Variants in ACACA observed in about 807,000 individuals in gnomAD.
ACACA encodes acetyl-CoA carboxylase alpha.
Under a neutral mutation model 296.1 loss-of-function variants are expected in ACACA, and 103 were observed. The observed-to-expected ratio is 0.35, with a 90% CI of 0.30 to 0.41. The LOEUF is 0.41. Ranked by LOEUF, ACACA falls within the 10% of genes least tolerant of loss-of-function variation. The pLI, the probability that ACACA is intolerant of heterozygous loss-of-function variation, is 1.00. For missense variants in ACACA, 1,554 were observed against 2,989.7 expected (o/e 0.52, Z 11.20); for synonymous variants, 953 against 1,038.6 (o/e 0.92, Z 1.58).
At chr17:37,286,526 C>A (rs976652635) in intron 3 of ACACA, among the ~76,000 whole-genome samples, 5 of 152,176 alleles carry the variant, frequency 3.3e-5, no homozygotes, top group Admixed American at 6.5e-5. Context: ...GTTCTGTTCA[C>A]CAAACCGGAA....
At chr17:37,285,173 A>T in intron 3 of ACACA, among the ~76,000 whole-genome samples, 1 of 152,232 alleles carries the variant, frequency 6.6e-6, no homozygotes, top group East Asian at 1.9e-4. Flanking sequence ...TCTGAATAAT[A>T]AAAGATAATA....
At chr17:37,336,849 C>T (rs917941282) in intron 2 of ACACA, among the ~76,000 whole-genome samples, 3 of 152,030 alleles carry the variant, frequency 2.0e-5, no homozygotes, top group Non-Finnish European at 2.9e-5. Flanking sequence ...GATGAGAAAC[C>T]GTCAATACTT....
chr17:37,182,352 C>CATAT lies in ACACA; in HGVS notation c.4777-1000_4777-997dup, dbSNP rs113554103. ...ATATTAAATTATGTATATTAAAAAA[C>CATAT]ATATATATATATATACATGTATTTA... On this transcript the variant is annotated intron_variant, in intron 39 of 55. Transcript: ENST00000616317. Among the ~76,000 whole-genome samples, 845 of 149,456 alleles carry CATAT rather than the reference C, an allele frequency of 5.7e-3. 3 individuals are homozygous for CATAT. The highest frequency in any genetic ancestry group is 0.02 in the African/African-American group (803 of 40,872).
rs1190752973 is a variant in ACACA at position 37,192,227 on chromosome 17, C to A, written c.4279G>T (p.Asp1427Tyr). Residue 1427 changes from aspartate to tyrosine, a missense_variant, in exon 37 of 56, where the codon GAC (aspartate) becomes TAC (tyrosine). Asp to Tyr is a radical substitution (Grantham distance 160). Around this residue, in one of 16 missense-constraint regions of ACACA, gnomAD observed 179 missense variants for 283.2 expected, o/e 0.63. Coordinates refer to ENST00000616317, the MANE Select transcript of ACACA (RefSeq NM_198834.3). ...TTAGCACATGGAATGGCAGTGAGGT[C>A]AAAATTTCTCATCCGGTTCAGCTCT... is the stretch of plus-strand genomic sequence containing the variant. ...QLELNRMRNFDLTAIPCANHK... is the reference protein window; with the variant it reads ...QLELNRMRNFYLTAIPCANHK... 6.2e-6 allele frequency: 10 copies of A among 1,614,006 alleles called. No homozygotes were observed. Among genetic ancestry groups the A allele is most frequent in the Non-Finnish European group, 8.5e-6 (10 of 1,180,006 alleles).
intron 13 of ACACA, 132 bp downstream of exon 13, chr17:37,258,080 T>A (rs1242730867): frequency 5.7e-6 from 7 of 1,237,580 alleles, no homozygotes; most frequent in Non-Finnish European, 8.0e-6. Context: ...CATTTACTTA[T>A]CTGCTCTGAG....
At chr17:37,121,224 G>A (rs1403752737) in intron 50 of ACACA, 131 bp downstream of exon 50, 1 of 1,203,744 alleles carries the variant, frequency 8.3e-7, no homozygotes. Flanking sequence ...AGATGTCTCA[G>A]AGAGGGCAGA....
At position 37,144,661 on chromosome 17, in the gene ACACA, T is replaced by C. The variant is rs368576418; in HGVS notation, c.5679+5203A>G. On this transcript the variant is annotated intron_variant, in intron 45 of 55. Transcript: ENST00000616317. Reference sequence around the variant, plus strand: ...TATGAGAACCAGAGAGAAATGTAACTTACTTGCACCAAGTCTCAAAAGCAA... The same window carrying C: ...TATGAGAACCAGAGAGAAATGTAACCTACTTGCACCAAGTCTCAAAAGCAA... Among the ~76,000 whole-genome samples, 83 of 152,286 alleles carry C rather than the reference T, an allele frequency of 5.5e-4. No homozygotes were observed. In the Middle Eastern group the frequency reaches 0.01, roughly 19 times the overall value.
chr17:37,248,764 T>C, intron 16 of ACACA, 90 bp from the exon 17 acceptor site: 1 of 962,222 alleles, frequency 1.0e-6, no homozygotes, highest in Non-Finnish European at 1.6e-6. Flanking sequence ...TTTCCTAGAA[T>C]AACAAAAGAC....
intron 41 of ACACA, among the ~76,000 whole-genome samples, chr17:37,174,018 A>ATTTTTTTTTTTT (rs2077008643): frequency 1.3e-4 from 2 of 15,432 alleles, no homozygotes; most frequent in Non-Finnish European, 2.2e-4. Context: ...ATATATATAT[A>ATTTTTTTTTTTT]TATTTTTTTT....
At chr17:37,259,272 G>T in intron 12 of ACACA, 88 bp downstream of exon 12, 1 of 1,420,898 alleles carries the variant, frequency 7.0e-7, no homozygotes. Context: ...GATAGGAGGT[G>T]CTTTTCTCTT....
chr17:37,328,219 C>G (rs1011942104), intron 3 of ACACA, among the ~76,000 whole-genome samples: 3 of 152,124 alleles, frequency 2.0e-5, no homozygotes, highest in Non-Finnish European at 4.4e-5. Context: ...TCTGGCTATT[C>G]AAACTTAGGC....
chr17:37,323,189 C>G (rs2047436448), intron 3 of ACACA, among the ~76,000 whole-genome samples: 2 of 152,288 alleles, frequency 1.3e-5, no homozygotes, highest in African/African-American at 4.8e-5. Context: ...ACCTGCCCAT[C>G]TGCATCCTCC....
intron 29 of ACACA, among the ~76,000 whole-genome samples, chr17:37,219,692 A>G (rs1335467952): frequency 6.7e-6 from 1 of 148,376 alleles, no homozygotes; most frequent in African/African-American, 2.4e-5. Context: ...TTTCATATAT[A>G]TTATATATAT....
At chr17:37,266,586 C>T (rs2081790762) in intron 10 of ACACA, among the ~76,000 whole-genome samples, 1 of 152,026 alleles carries the variant, frequency 6.6e-6, no homozygotes, top group Non-Finnish European at 1.5e-5. Context: ...GGTCTTTACT[C>T]TGAGGCATTT....
chr17:37,178,944 A>T (rs371179961), intron 41 of ACACA, among the ~76,000 whole-genome samples: 3 of 152,256 alleles, frequency 2.0e-5, no homozygotes, highest in East Asian at 3.9e-4. Context: ...ACCCACCCTC[A>T]CACCTCTTTA....
intron 1 of ACACA, among the ~76,000 whole-genome samples, chr17:37,395,193 G>T (rs1220831458): frequency 3.3e-5 from 5 of 151,976 alleles, no homozygotes; most frequent in Non-Finnish European, 7.4e-5. Flanking sequence ...ATTTTGGGAG[G>T]CCAAGGCAGG....
chr17:37,364,737 T>C (rs2049547031), intron 1 of ACACA, among the ~76,000 whole-genome samples: 1 of 152,208 alleles, frequency 6.6e-6, no homozygotes, highest in South Asian at 2.1e-4. Context: ...TATTGGGATA[T>C]TATTTCCTGC....
At chr17:37,245,594 C>T (rs901434026) in intron 19 of ACACA, among the ~76,000 whole-genome samples, 2 of 152,172 alleles carry the variant, frequency 1.3e-5, no homozygotes, top group African/African-American at 4.8e-5. Flanking sequence ...TCTCCCTTAC[C>T]TACCAATTAC....
chr17:37,131,870 A>C (rs1046186947), intron 45 of ACACA, among the ~76,000 whole-genome samples: 2 of 152,256 alleles, frequency 1.3e-5, no homozygotes, highest in African/African-American at 4.8e-5. Flanking sequence ...CTTTACAGGC[A>C]GCCCCAAGCT....
Sources: gnomAD v4.1 joint callset for allele counts (sites outside exome capture counted in the v4.1 genomes callset) on GRCh38, gnomAD v4.1.1 for gene constraint, gnomAD v4.1.1 regional missense constraint, MANE v1.5 for transcripts, NCBI Gene and HGNC (gene_info 2026-07-23, HGNC 2026-07-21) for gene names.